Variants in SUCLG2 observed in about 807,000 individuals in gnomAD.
SUCLG2 encodes succinate--CoA ligase [GDP-forming] subunit beta, mitochondrial.
SUCLG2 carries 42 observed loss-of-function variants against 47.9 expected under a neutral mutation model. That is an observed-to-expected ratio of 0.88 (90% CI 0.69 to 1.14). The LOEUF is 1.14. Among genes scored for constraint, SUCLG2 ranks in the 50% most tolerant of loss-of-function variants. SUCLG2 has a pLI of 0.00. For missense variants in SUCLG2, 571 were observed against 525.9 expected, an observed-to-expected ratio of 1.09 and a Z score of -0.84; for synonymous variants, 195 against 197.3, an observed-to-expected ratio of 0.99 and a Z score of 0.10.
At chr3:67,483,163 C>T (rs897091979) in intron 9 of SUCLG2, among the ~76,000 whole-genome samples, 1 of 152,036 alleles carries the variant, frequency 6.6e-6, no homozygotes, top group East Asian at 1.9e-4. Context: ...TCAGAAAGGA[C>T]CTCTAATTGC....
At chr3:67,517,496 A>G (rs1215448831) in intron 6 of SUCLG2, among the ~76,000 whole-genome samples, 1 of 152,152 alleles carries the variant, frequency 6.6e-6, no homozygotes, top group African/African-American at 2.4e-5. Flanking sequence ...AGGAACAAGT[A>G]AGTTTATCTG....
At chr3:67,640,793 G>C (rs1214489599) in intron 1 of SUCLG2, among the ~76,000 whole-genome samples, 3 of 151,928 alleles carry the variant, frequency 2.0e-5, no homozygotes, top group Admixed American at 6.6e-5. Context: ...ATCAGCTTTT[G>C]ATTGCATGCT....
At chr3:67,651,504 G>C (rs144311683) in intron 1 of SUCLG2, among the ~76,000 whole-genome samples, 1 of 152,304 alleles carries the variant, frequency 6.6e-6, no homozygotes, top group African/African-American at 2.4e-5. Context: ...ATATAATGCT[G>C]AGCAATGTGA....
At chr3:67,386,298 C>T (rs571659098) in intron 10 of SUCLG2, among the ~76,000 whole-genome samples, 2 of 151,526 alleles carry the variant, frequency 1.3e-5, no homozygotes, top group East Asian at 1.9e-4. Flanking sequence ...GGGGTTTCAC[C>T]GTGTTAGCCA....
At chr3:67,469,526 G>A (rs377287935) in intron 9 of SUCLG2, among the ~76,000 whole-genome samples, 11 of 150,884 alleles carry the variant, frequency 7.3e-5, no homozygotes, top group East Asian at 2.0e-4. Context: ...TCAGGAGTTC[G>A]AGACCAGCCT....
At chr3:67,408,400 T>C (rs1304764009) in intron 9 of SUCLG2, among the ~76,000 whole-genome samples, 3 of 152,170 alleles carry the variant, frequency 2.0e-5, no homozygotes, top group African/African-American at 7.2e-5. Flanking sequence ...CAAAAGGAAA[T>C]GTCTTATACA....
intron 2 of SUCLG2, among the ~76,000 whole-genome samples, chr3:67,556,725 C>G (rs1707171237): frequency 6.6e-6 from 1 of 152,164 alleles, no homozygotes; most frequent in Admixed American, 6.5e-5. Flanking sequence ...ACTAGCCCAT[C>G]AATGAGATCC....
At chr3:67,461,524 T>C (rs1257641758) in intron 9 of SUCLG2, among the ~76,000 whole-genome samples, 1 of 151,540 alleles carries the variant, frequency 6.6e-6, no homozygotes, top group Non-Finnish European at 1.5e-5. Flanking sequence ...AAAACAGAGA[T>C]CAATCAGAAA....
rs1035484678 is a variant in SUCLG2, at chr3:67,395,666, T to C, written c.1183+5065A>G. 3.5e-4 allele frequency among the ~76,000 whole-genome samples: 54 copies of C among 152,234 alleles called. No individual in the cohort carries two copies. In the East Asian group the frequency reaches 4.2e-3, roughly 12 times the overall value. On this transcript the variant is annotated intron_variant, in intron 10 of 10. Transcript: ENST00000307227. ...GAATTGAACTCAGCTCTGCACCAAG[T>C]GGACCTAATAGACATCTACAGAACT...
chr3:67,374,640 A>G (rs72916766), downstream of SUCLG2: 1,196 of 475,182 alleles, frequency 2.5e-3, 26 homozygotes, highest in South Asian at 0.042. Context: ...CATACCTAAG[A>G]CACTAAGACT....
At chr3:67,465,442 T>G (rs1008173249) in intron 9 of SUCLG2, among the ~76,000 whole-genome samples, 19 of 152,204 alleles carry the variant, frequency 1.2e-4, no homozygotes, top group Admixed American at 3.9e-4. Context: ...ATTTACATCA[T>G]TCGGGTCTCC....
rs1700817752 is a variant in SUCLG2, at chr3:67,625,893, T to A, written c.85-16297A>T. 2.0e-5 allele frequency among the ~76,000 whole-genome samples: 3 copies of A among 151,748 alleles called. No homozygotes were observed. The South Asian group carries it at 6.3e-4, about 32-fold the overall frequency. ...TCATAGCAGCACTAGGGGAAAAAAA[T>A]TAATGGAGTGCCCCTGGTAGAGGAG... On this transcript the variant is annotated intron_variant, in intron 1 of 10. Transcript: ENST00000307227.
Position 67,438,955 on chromosome 3 carries a change from T to A in SUCLG2, c.1063-38104A>T, listed in dbSNP as rs188597488. On this transcript the variant is annotated intron_variant, in intron 9 of 10. Coordinates refer to ENST00000307227, the MANE Select transcript of SUCLG2 (RefSeq NM_003848.4). ...ATAAAAAAAGGAAATTTCAGACCAA[T>A]ATCCATGATGAACATCAATCCAAAT... is the stretch of plus-strand genomic sequence containing the variant. Among the ~76,000 whole-genome samples, 509 of 152,252 alleles carry A rather than the reference T, an allele frequency of 3.3e-3. 2 individuals are homozygous for A. The highest frequency in any genetic ancestry group is 0.012 in the African/African-American group (484 of 41,536).
At chr3:67,392,024 T>G (rs886755834) in intron 10 of SUCLG2, among the ~76,000 whole-genome samples, 2 of 152,188 alleles carry the variant, frequency 1.3e-5, no homozygotes, top group Non-Finnish European at 2.9e-5. Flanking sequence ...TTTTTGTCAG[T>G]GCATGCCCCT....
intron 9 of SUCLG2, among the ~76,000 whole-genome samples, chr3:67,420,487 T>G (rs1246670726): frequency 6.6e-6 from 1 of 152,214 alleles, no homozygotes; most frequent in Non-Finnish European, 1.5e-5. Context: ...TGAGTATTAT[T>G]AAGTATGAGT....
chr3:67,577,315 A>G (rs1027289928), intron 2 of SUCLG2, among the ~76,000 whole-genome samples: 2 of 151,974 alleles, frequency 1.3e-5, no homozygotes, highest in Non-Finnish European at 2.9e-5. Context: ...CAAAAAACAA[A>G]AAAAAAAGTT....
At chr3:67,388,323 C>T (rs1396474275) in intron 10 of SUCLG2, among the ~76,000 whole-genome samples, 1 of 152,174 alleles carries the variant, frequency 6.6e-6, no homozygotes, top group African/African-American at 2.4e-5. Flanking sequence ...AGCAAGAGAG[C>T]TTTGGACATT....
chr3:67,429,426 T>C (rs148529768), intron 9 of SUCLG2, among the ~76,000 whole-genome samples: 114 of 152,208 alleles, frequency 7.5e-4, no homozygotes, highest in African/African-American at 2.7e-3. Context: ...ACCAGGCCTG[T>C]CTTACAAGAG....
At chr3:67,473,427 T>C (rs1360743626) in intron 9 of SUCLG2, among the ~76,000 whole-genome samples, 2 of 125,932 alleles carry the variant, frequency 1.6e-5, no homozygotes, top group Non-Finnish European at 3.4e-5. Flanking sequence ...AAATTTGTGA[T>C]TTTTTTTTTA....
Sources: allele counts gnomAD v4.1 joint callset (sites outside exome capture counted in the v4.1 genomes callset), GRCh38; gene constraint gnomAD v4.1.1; transcripts MANE v1.5; gene names NCBI Gene and HGNC (gene_info 2026-07-23, HGNC 2026-07-21).